EEIG2: variants seen among roughly 807,000 people sequenced by gnomAD.
EEIG2 encodes EEIG family member 2, also known as family with sequence similarity 102 member B.
the EEIG2 span, among the ~76,000 whole-genome samples, chr1:108,632,865 A>G: frequency 1.3e-5 from 2 of 151,970 alleles, no homozygotes; most frequent in African/African-American, 4.8e-5. Flanking sequence ...GTGCGGCACA[A>G]TCTCAGCTCA....
the EEIG2 span, among the ~76,000 whole-genome samples, chr1:108,613,246 T>TA: frequency 6.6e-6 from 1 of 152,164 alleles, no homozygotes; most frequent in Non-Finnish European, 1.5e-5. Context: ...TTTATAACTC[T>TA]AAAAAGTTTT....
chr1:108,627,800 G>A, the EEIG2 span: 1 of 187,624 alleles, frequency 5.3e-6, no homozygotes, highest in Non-Finnish European at 1.1e-5. Flanking sequence ...ACATTTATAA[G>A]AATACATCTG....
the EEIG2 span, among the ~76,000 whole-genome samples, chr1:108,593,254 C>T: frequency 6.6e-6 from 1 of 152,228 alleles, no homozygotes; most frequent in Admixed American, 6.5e-5. Context: ...TCTGGCTCTG[C>T]ACCATCATCA....
the EEIG2 span, chr1:108,616,235 T>A: frequency 6.9e-6 from 4 of 579,362 alleles, no homozygotes; most frequent in Non-Finnish European, 9.2e-6. Flanking sequence ...GCTCAAACAA[T>A]CCTCCTGCCT....
At chr1:108,587,602 T>C in the EEIG2 span, among the ~76,000 whole-genome samples, 3 of 152,148 alleles carry the variant, frequency 2.0e-5, no homozygotes, top group East Asian at 5.8e-4. Flanking sequence ...TGGCAATCAC[T>C]GATTCTTTTC....
the EEIG2 span, among the ~76,000 whole-genome samples, chr1:108,604,134 A>G: frequency 5.9e-5 from 9 of 152,226 alleles, no homozygotes; most frequent in South Asian, 2.1e-4. Context: ...CAAGTCTGGC[A>G]TGTTTAAATG....
the EEIG2 span, among the ~76,000 whole-genome samples, chr1:108,611,898 A>G: frequency 7.9e-4 from 119 of 150,854 alleles, no homozygotes; most frequent in Admixed American, 1.7e-3. Flanking sequence ...ACAGTAATAT[A>G]TATTCTTTAA....
At chr1:108,628,270 C>T in the EEIG2 span, 2 of 1,613,786 alleles carry the variant, frequency 1.2e-6, no homozygotes, top group African/African-American at 2.7e-5. Flanking sequence ...CAGGTAGAGG[C>T]TAACAGTGAA....
At chr1:108,584,241 A>G in the EEIG2 span, among the ~76,000 whole-genome samples, 1 of 152,188 alleles carries the variant, frequency 6.6e-6, no homozygotes. Flanking sequence ...ATGATTATAC[A>G]TTGAGGCAAA....
chr1:108,627,666 T>C, the EEIG2 span: 1 of 154,456 alleles, frequency 6.5e-6, no homozygotes, highest in Non-Finnish European at 1.4e-5. Flanking sequence ...TTGCCCAAAT[T>C]ATAGCCTAGC....
chr1:108,596,341 G>A, the EEIG2 span, among the ~76,000 whole-genome samples: 47 of 152,020 alleles, frequency 3.1e-4, no homozygotes, highest in Non-Finnish European at 5.7e-4. Flanking sequence ...GCATATTATG[G>A]AAAAGCACAG....
the EEIG2 span, among the ~76,000 whole-genome samples, chr1:108,567,604 C>T: frequency 6.6e-6 from 1 of 152,132 alleles, no homozygotes; most frequent in Non-Finnish European, 1.5e-5. Context: ...TTCTGAATGT[C>T]AGTTTCAGAA....
the EEIG2 span, among the ~76,000 whole-genome samples, chr1:108,607,706 C>T: frequency 1.3e-5 from 2 of 152,158 alleles, no homozygotes; most frequent in African/African-American, 4.8e-5. Flanking sequence ...CAAGGAATAG[C>T]AGGGCATTGA....
At chr1:108,625,050 A>G in the EEIG2 span, 1 of 234,638 alleles carries the variant, frequency 4.3e-6, no homozygotes, top group South Asian at 1.2e-4. Context: ...AACTTCTGCA[A>G]AGCAGCTTCT....
chr1:108,564,010 A>G, the EEIG2 span, among the ~76,000 whole-genome samples: 1 of 152,340 alleles, frequency 6.6e-6, no homozygotes, highest in East Asian at 1.9e-4. Flanking sequence ...CAAGTCATCA[A>G]TAGGAGTTGA....
the EEIG2 span, among the ~76,000 whole-genome samples, chr1:108,596,684 AT>A: frequency 6.6e-6 from 1 of 151,200 alleles, no homozygotes; most frequent in African/African-American, 2.4e-5. Context: ...TCACTCAGAA[AT>A]TTTTTTATTC....
chr1:108,560,111 A>AGGCGGCG, the EEIG2 span: 1 of 173,448 alleles, frequency 5.8e-6, no homozygotes, highest in Admixed American at 6.6e-5. Context: ...GACGGGCGGC[A>AGGCGGCG]GCGGCGGCGG....
At chr1:108,618,051 A>T in the EEIG2 span, among the ~76,000 whole-genome samples, 86 of 152,304 alleles carry the variant, frequency 5.6e-4, 3 homozygotes, top group East Asian at 0.013. Context: ...ATAAAAAAGA[A>T]ACAGAAAGAT....
At chr1:108,565,500 T>C in the EEIG2 span, among the ~76,000 whole-genome samples, 4 of 152,370 alleles carry the variant, frequency 2.6e-5, no homozygotes, top group South Asian at 8.3e-4. Flanking sequence ...AAATCACTTT[T>C]AAGGTTTATT....
Sources: gnomAD v4.1 joint callset for allele counts (sites outside exome capture counted in the v4.1 genomes callset) on GRCh38, gnomAD v4.1.1 for gene constraint, MANE v1.5 for transcripts, NCBI Gene and HGNC (gene_info 2026-07-23, HGNC 2026-07-21) for gene names.